The following SMARCAL1 variants were observed in gnomAD, a reference collection of about 807,000 sequenced individuals.
SMARCAL1 encodes SNF2 related chromatin remodeling annealing helicase 1.
Under a neutral mutation model 94.5 loss-of-function variants are expected in SMARCAL1, and 58 were observed. That is an observed-to-expected ratio of 0.61 (90% CI 0.50 to 0.76). The LOEUF is 0.76. Among genes scored for constraint, SMARCAL1 ranks in the 30% least tolerant of loss-of-function variants. SMARCAL1 has a pLI of 0.00. For synonymous variants in SMARCAL1, 422 were observed against 455.1 expected, an observed-to-expected ratio of 0.93 and a Z score of 0.93; for missense variants, 1,051 against 1,177.9, an observed-to-expected ratio of 0.89 and a Z score of 1.58.
intron 9 of SMARCAL1, among the ~76,000 whole-genome samples, chr2:216,436,115 C>T (rs1008488347): frequency 2.6e-5 from 4 of 152,104 alleles, no homozygotes; most frequent in African/African-American, 9.7e-5. Flanking sequence ...ATTACAGGCA[C>T]TTGCCACCAC....
At chr2:216,434,359 T>C (rs377351087) in intron 8 of SMARCAL1, among the ~76,000 whole-genome samples, 1 of 152,202 alleles carries the variant, frequency 6.6e-6, no homozygotes, top group Non-Finnish European at 1.5e-5. Flanking sequence ...TGTAGAAATA[T>C]CGACATAAGT....
At chr2:216,425,603 G>C (rs1693816377) in intron 6 of SMARCAL1, among the ~76,000 whole-genome samples, 1 of 152,196 alleles carries the variant, frequency 6.6e-6, no homozygotes, top group Admixed American at 6.5e-5. Context: ...CATTCAGCGG[G>C]TCCCAGATTC....
chr2:216,481,542 C>T (rs1170425821), intron 17 of SMARCAL1, among the ~76,000 whole-genome samples: 7 of 150,780 alleles, frequency 4.6e-5, no homozygotes, highest in African/African-American at 1.5e-4. Context: ...CTCACTCTGT[C>T]ACCCAGGCTG....
Position 216,450,851 on chromosome 2 carries a change from T to A in SMARCAL1, c.1857T>A (p.Pro619=), listed in dbSNP as rs747604209. ...CGCTGTCTTGTTCTCTGCAGATGCC[T>A]TGGGGGTGGGACTACTCAGGTTCCT... is the stretch of plus-strand genomic sequence containing the variant. ...GLRYCDAKRM[P]WGWDYSGSSN... The change falls in exon 12 of 18, where the codon CCT becomes CCA. Residue 619 remains proline (P), a synonymous_variant. Transcript: ENST00000357276. The A allele has an allele frequency of 6.2e-7, 1 of 1,613,546 alleles. No individual in the cohort carries two copies. The highest frequency in any genetic ancestry group is 2.2e-5 in the East Asian group (1 of 44,894).
chr2:216,463,739 G>T (rs1445696753), intron 12 of SMARCAL1, among the ~76,000 whole-genome samples: 1 of 152,104 alleles, frequency 6.6e-6, no homozygotes, highest in Non-Finnish European at 1.5e-5. Flanking sequence ...CTGAATAATG[G>T]TTTTAAAATG....
chr2:216,449,840 G>C (rs975186815), intron 11 of SMARCAL1, among the ~76,000 whole-genome samples: 16 of 149,934 alleles, frequency 1.1e-4, no homozygotes, highest in Non-Finnish European at 1.8e-4. Flanking sequence ...AATGGTAATG[G>C]CTTCTTTTTT....
chr2:216,441,498 A>G (rs543316840), intron 10 of SMARCAL1, among the ~76,000 whole-genome samples: 2 of 152,358 alleles, frequency 1.3e-5, no homozygotes, highest in South Asian at 4.1e-4. Flanking sequence ...CAGCATGTCA[A>G]TTATTGAGCA....
intron 10 of SMARCAL1, among the ~76,000 whole-genome samples, chr2:216,442,537 C>T (rs1180832745): frequency 6.6e-6 from 1 of 152,138 alleles, no homozygotes; most frequent in Non-Finnish European, 1.5e-5. Context: ...CTATAGTTAC[C>T]AGTTTTCAGG....
chr2:216,481,917 G>A (rs1241234449), intron 17 of SMARCAL1, among the ~76,000 whole-genome samples: 4 of 152,194 alleles, frequency 2.6e-5, no homozygotes, highest in African/African-American at 9.6e-5. Flanking sequence ...AAATTTAGAT[G>A]TAGGAAAAAT....
intron 14 of SMARCAL1, among the ~76,000 whole-genome samples, chr2:216,469,369 C>T (rs1438747388): frequency 6.7e-6 from 1 of 150,108 alleles, no homozygotes; most frequent in African/African-American, 2.4e-5. Flanking sequence ...GCAAGCTCCA[C>T]CTCCCGGGTT....
At chr2:216,422,691 C>T (rs141981566) in intron 5 of SMARCAL1, among the ~76,000 whole-genome samples, 7 of 152,344 alleles carry the variant, frequency 4.6e-5, no homozygotes, top group Non-Finnish European at 7.3e-5. Flanking sequence ...GAAACTGACT[C>T]TGTGTCCATG....
intron 14 of SMARCAL1, among the ~76,000 whole-genome samples, chr2:216,472,123 G>A (rs960526793): frequency 6.6e-6 from 1 of 152,182 alleles, no homozygotes; most frequent in African/African-American, 2.4e-5. Context: ...GGGAGACTGA[G>A]GCAGGCAGAT....
At chr2:216,441,557 A>G (rs1345380018) in intron 10 of SMARCAL1, among the ~76,000 whole-genome samples, 1 of 152,224 alleles carries the variant, frequency 6.6e-6, no homozygotes, top group African/African-American at 2.4e-5. Flanking sequence ...GTGGAGACAC[A>G]TCCCATAATT....
chr2:216,461,164 G>T (rs571181137), intron 12 of SMARCAL1, among the ~76,000 whole-genome samples: 38 of 151,494 alleles, frequency 2.5e-4, no homozygotes, highest in Non-Finnish European at 5.4e-4. Flanking sequence ...GACACTGATG[G>T]TAATTAAATT....
chr2:216,445,755 ACATT>A (rs1694300375), intron 10 of SMARCAL1, among the ~76,000 whole-genome samples: 2 of 152,196 alleles, frequency 1.3e-5, no homozygotes, highest in Non-Finnish European at 2.9e-5. Context: ...ATAGCTGGAG[ACATT>A]CATAGCTCTC....
intron 14 of SMARCAL1, among the ~76,000 whole-genome samples, chr2:216,474,270 G>C (rs1248445589): frequency 6.7e-6 from 1 of 148,822 alleles, no homozygotes; most frequent in African/African-American, 2.5e-5. Flanking sequence ...CTCCTGAGTA[G>C]CTGGGATTAC....
Position 216,457,240 on chromosome 2 carries a change from G to A in SMARCAL1, c.2070+6176G>A, listed in dbSNP as rs368337467. Among the ~76,000 whole-genome samples the A allele has an allele frequency of 3.6e-3, 547 of 152,168 alleles. 26 individuals are homozygous for A. In the East Asian group the frequency reaches 0.096, roughly 27 times the overall value. On this transcript the variant is annotated intron_variant, in intron 12 of 17. Coordinates refer to ENST00000357276, the MANE Select transcript of SMARCAL1 (RefSeq NM_014140.4). ...CTTAGACTCCCACACAATAATAATG[G>A]GAGACTTTAACACCCCACTGTCAAC...
At chr2:216,469,917 C>G (rs1177951789) in intron 14 of SMARCAL1, among the ~76,000 whole-genome samples, 3 of 152,110 alleles carry the variant, frequency 2.0e-5, no homozygotes, top group African/African-American at 4.8e-5. Flanking sequence ...TTTTACCAAT[C>G]CAGAGAAATG....
chr2:216,465,021 C>T (rs183019165), intron 13 of SMARCAL1, among the ~76,000 whole-genome samples: 1 of 152,210 alleles, frequency 6.6e-6, no homozygotes, highest in East Asian at 1.9e-4. Flanking sequence ...GTGGCATGCA[C>T]CTGTGGTCCC....
Sources: allele counts gnomAD v4.1 joint callset (sites outside exome capture counted in the v4.1 genomes callset), GRCh38; gene constraint gnomAD v4.1.1; transcripts MANE v1.5; gene names NCBI Gene and HGNC (gene_info 2026-07-23, HGNC 2026-07-21).